Variants in PAK3 observed in about 807,000 individuals in gnomAD.
PAK3 encodes serine/threonine-protein kinase PAK 3.
In PAK3, 4 loss-of-function variants were observed where a neutral mutation model predicts 41.0. That is an observed-to-expected ratio of 0.10 (90% confidence interval 0.05 to 0.22). The LOEUF (loss-of-function observed/expected upper bound fraction) is 0.22, where lower values mean the gene tolerates loss of function less well. Ranked by LOEUF, PAK3 falls within the 10% of genes least tolerant of loss-of-function variation. The pLI is 1.00. For synonymous variants in PAK3, 146 were observed against 139.6 expected (o/e 1.05, Z -0.32); for missense variants, 205 against 409.9 (o/e 0.50, Z 4.32).
intron 1 of PAK3, among the ~76,000 whole-genome samples, chrX:110,979,118 G>T (rs2091397533): frequency 9.1e-6 from 1 of 110,479 alleles, no homozygotes; most frequent in Non-Finnish European, 1.9e-5. Flanking sequence ...AGAATTGCTT[G>T]TACTACTCCA....
Position 111,216,407 on chromosome X carries a change from AT to A in PAK3, c.1408-7del. The stretch of plus-strand genomic sequence containing the variant: ...ATGTATGTGCTGAATGGATTTTTCT[AT>A]TTTTTTCTACAGGCATTGTATCTGA... On this transcript the variant is annotated splice_polypyrimidine_tract_variant and intron_variant, in intron 16 of 17. Coordinates refer to ENST00000372007, the MANE Select transcript of PAK3 (RefSeq NM_002578.5). The A allele has an allele frequency of 1.7e-6, 2 of 1,173,935 alleles. No individual in the cohort carries two copies. Among genetic ancestry groups the A allele is most frequent in the African/African-American group, 1.8e-5 (1 of 56,831 alleles).
At chrX:111,101,161 A>G (rs1010462923) in intron 3 of PAK3, among the ~76,000 whole-genome samples, 5 of 112,212 alleles carry the variant, frequency 4.5e-5, no homozygotes, top group African/African-American at 9.7e-5. Flanking sequence ...CAGACTCAAT[A>G]CATGCATGTC....
rs2094951640 is a variant in PAK3, at chrX:111,226,089, T to C, written c.*5642T>C. On this transcript the variant is annotated 3_prime_UTR_variant, in exon 18 of 18. Transcript: ENST00000372007. ...TACTTGGGAGGCTGAGGTGGGAGAA[T>C]CGCTTGAACCCAGGAGGCGGAGGTT... 1 of 109,845 alleles carries C rather than the reference T, an allele frequency of 9.1e-6. No homozygotes were observed. The highest frequency in any genetic ancestry group is 3.3e-5 in the African/African-American group (1 of 30,093). The allele number at this position is 109,845 out of a possible 1,213,427, so 9.1% of individuals were successfully genotyped here. A position where few individuals can be genotyped will look rare whatever the true frequency, so the allele number is the denominator to read the frequency against.
intron 1 of PAK3, among the ~76,000 whole-genome samples, chrX:110,964,938 C>T (rs2091052717): frequency 9.0e-6 from 1 of 111,684 alleles, no homozygotes; most frequent in South Asian, 3.8e-4. Flanking sequence ...GCTAACAAAG[C>T]TCTGATTCCA....
chrX:110,961,204 A>G (rs760027958), intron 1 of PAK3, among the ~76,000 whole-genome samples: 1 of 111,639 alleles, frequency 9.0e-6, no homozygotes, highest in South Asian at 3.8e-4. Context: ...ATGAGCAACC[A>G]GATTGAGAAC....
intron 1 of PAK3, among the ~76,000 whole-genome samples, chrX:111,023,450 C>T (rs2092220934): frequency 8.9e-6 from 1 of 112,016 alleles, no homozygotes; most frequent in Non-Finnish European, 1.9e-5. Flanking sequence ...AGTTCTAGAT[C>T]CTTGAGGAAT....
chrX:111,187,732 A>G (rs1277710745), intron 11 of PAK3, among the ~76,000 whole-genome samples: 1 of 111,001 alleles, frequency 9.0e-6, no homozygotes, highest in Non-Finnish European at 1.9e-5. Flanking sequence ...GCTGGGGAAA[A>G]GGTGGTAAAT....
chrX:111,010,577 T>C (rs948452510), intron 1 of PAK3, among the ~76,000 whole-genome samples: 2 of 111,419 alleles, frequency 1.8e-5, no homozygotes, highest in African/African-American at 6.5e-5. Context: ...TGAGTTCTCA[T>C]TCTGAGTTCA....
intron 16 of PAK3, among the ~76,000 whole-genome samples, chrX:111,212,353 C>A (rs963705539): frequency 5.4e-5 from 6 of 112,009 alleles, no homozygotes; most frequent in African/African-American, 1.9e-4. Flanking sequence ...TTGGCTACAA[C>A]TGTATTTGTC....
intron 1 of PAK3, among the ~76,000 whole-genome samples, chrX:111,006,811 C>CT (rs1569504938): frequency 6.1e-5 from 3 of 49,231 alleles, no homozygotes; most frequent in African/African-American, 1.7e-4. Context: ...ATCTGCATTT[C>CT]CCTTTCTTTC....
At chrX:111,216,141 G>A (rs1157610269) in intron 16 of PAK3, among the ~76,000 whole-genome samples, 6 of 111,774 alleles carry the variant, frequency 5.4e-5, no homozygotes, top group African/African-American at 1.3e-4. Context: ...TCACATATTC[G>A]TTATATGTGG....
intron 1 of PAK3, among the ~76,000 whole-genome samples, chrX:111,067,762 C>A (rs1471901786): frequency 9.0e-6 from 1 of 110,892 alleles, no homozygotes; most frequent in African/African-American, 3.3e-5. Flanking sequence ...TAATAAGCTG[C>A]TAGATTCTAT....
intron 1 of PAK3, among the ~76,000 whole-genome samples, chrX:111,037,287 T>C (rs911452134): frequency 1.8e-5 from 2 of 111,891 alleles, no homozygotes; most frequent in African/African-American, 6.5e-5. Flanking sequence ...GCTCTTTATA[T>C]ATGAAGGCCA....
intron 1 of PAK3, among the ~76,000 whole-genome samples, chrX:110,979,291 CTTTTCTTTTTTTT>C (rs2091402038): frequency 5.0e-5 from 1 of 19,827 alleles, no homozygotes; most frequent in Non-Finnish European, 1.7e-4. Context: ...TTCTCTATTA[CTTTTCTTTTTTTT>C]TTTTTTTTTT....
intron 1 of PAK3, among the ~76,000 whole-genome samples, chrX:110,983,347 T>A (rs1366582200): frequency 9.0e-6 from 1 of 110,844 alleles, no homozygotes; most frequent in Non-Finnish European, 1.9e-5. Context: ...GTGATGGCGT[T>A]CTGGGCTGCC....
At chrX:110,968,544 T>C (rs1602577591) in intron 1 of PAK3, among the ~76,000 whole-genome samples, 1 of 112,423 alleles carries the variant, frequency 8.9e-6, no homozygotes, top group East Asian at 2.8e-4. Flanking sequence ...TAGTGATATC[T>C]TGTGGTTTTA....
At chrX:111,174,803 C>A (rs2094387804) in intron 11 of PAK3, among the ~76,000 whole-genome samples, 1 of 111,288 alleles carries the variant, frequency 9.0e-6, no homozygotes. Context: ...TGGTGTGGGC[C>A]CTCAAGGAAC....
chrX:111,073,339 C>T (rs1025952738), intron 1 of PAK3, among the ~76,000 whole-genome samples: 1 of 111,117 alleles, frequency 9.0e-6, no homozygotes, highest in Non-Finnish European at 1.9e-5. Flanking sequence ...ACAAACTAGG[C>T]CCAAAGTTGG....
intron 1 of PAK3, among the ~76,000 whole-genome samples, chrX:110,991,567 G>C (rs1235394836): frequency 8.9e-6 from 1 of 111,998 alleles, no homozygotes; most frequent in Non-Finnish European, 1.9e-5. Flanking sequence ...TTATCACCAT[G>C]CCTGGTACAT....
Sources: gnomAD v4.1 joint callset for allele counts (sites outside exome capture counted in the v4.1 genomes callset) on GRCh38, gnomAD v4.1.1 for gene constraint, MANE v1.5 for transcripts, NCBI Gene and HGNC (gene_info 2026-07-23, HGNC 2026-07-21) for gene names.